CSMD1: variants seen among roughly 807,000 people sequenced by gnomAD.
CSMD1 encodes the protein CUB and Sushi multiple domains 1, also known as CUB and sushi domain-containing protein 1.
A neutral mutation model predicts 417.5 loss-of-function variants in CSMD1; 213 were observed. That is an observed-to-expected ratio of 0.51 (90% CI 0.46 to 0.57). The LOEUF (loss-of-function observed/expected upper bound fraction) is 0.57, where lower values mean the gene tolerates loss of function less well. Among genes scored for constraint, CSMD1 ranks in the 20% least tolerant of loss-of-function variants. CSMD1 has a pLI of 0.00. For missense variants in CSMD1, 6,923 were observed against 4,529.7 expected (o/e 1.53, Z -15.17); for synonymous variants, 2,862 against 1,736.8 (o/e 1.65, Z -16.11).
intron 19 of CSMD1, among the ~76,000 whole-genome samples, chr8:3,368,008 C>T (rs78348369): frequency 0.01 from 1,528 of 152,180 alleles, 26 homozygotes; most frequent in African/African-American, 0.035. Context: ...TTTTAGATGC[C>T]CGTAAAGCAT....
chr8:3,356,792 A>G (rs1401936886), intron 21 of CSMD1, among the ~76,000 whole-genome samples: 2 of 152,230 alleles, frequency 1.3e-5, no homozygotes, highest in Non-Finnish European at 2.9e-5. Flanking sequence ...ATCTGTCTGC[A>G]GGAGGCTGCT....
chr8:4,287,755 A>AGTG (rs2128864880), intron 3 of CSMD1, among the ~76,000 whole-genome samples: 1 of 151,948 alleles, frequency 6.6e-6, no homozygotes, highest in African/African-American at 2.4e-5. Context: ...AGCCACTGAA[A>AGTG]GTGGACCCGG....
intron 49 of CSMD1, among the ~76,000 whole-genome samples, chr8:3,058,963 C>G (rs1812410444): frequency 6.6e-6 from 1 of 152,030 alleles, no homozygotes; most frequent in African/African-American, 2.4e-5. Flanking sequence ...AACCAGCCCT[C>G]TCTTTAAAAG....
chr8:3,451,642 T>C (rs1453911000), intron 12 of CSMD1, among the ~76,000 whole-genome samples: 1 of 152,190 alleles, frequency 6.6e-6, no homozygotes, highest in African/African-American at 2.4e-5. Flanking sequence ...ATGGCATTAT[T>C]TCTGAGGGCT....
chr8:4,469,274 C>T (rs1285469034), intron 2 of CSMD1, among the ~76,000 whole-genome samples: 1 of 152,194 alleles, frequency 6.6e-6, no homozygotes, highest in Non-Finnish European at 1.5e-5. Context: ...AGCAAAGACA[C>T]TATGATTGTC....
chr8:4,702,008 A>T (rs988207628), intron 1 of CSMD1, among the ~76,000 whole-genome samples: 1 of 152,232 alleles, frequency 6.6e-6, no homozygotes, highest in Non-Finnish European at 1.5e-5. Context: ...TAACTCAGGA[A>T]CAGAAAACCA....
chr8:4,005,938 G>A (rs1816075830), intron 4 of CSMD1, among the ~76,000 whole-genome samples: 1 of 152,140 alleles, frequency 6.6e-6, no homozygotes, highest in African/African-American at 2.4e-5. Flanking sequence ...ATGCATTTAT[G>A]TTAATTAATT....
intron 1 of CSMD1, among the ~76,000 whole-genome samples, chr8:4,696,755 G>A (rs532537648): frequency 1.6e-4 from 25 of 152,268 alleles, no homozygotes; most frequent in Middle Eastern, 3.4e-3. Flanking sequence ...CACCCAACAT[G>A]GGTGTCCAAT....
chr8:4,168,164 C>T (rs1219531711), intron 3 of CSMD1, among the ~76,000 whole-genome samples: 7 of 151,268 alleles, frequency 4.6e-5, no homozygotes, highest in East Asian at 1.9e-4. Context: ...CACACACACA[C>T]ACACACACAC....
At chr8:3,155,332 AT>A (rs1223506516) in intron 39 of CSMD1, among the ~76,000 whole-genome samples, 1 of 118,444 alleles carries the variant, frequency 8.4e-6, no homozygotes, top group Non-Finnish European at 1.9e-5. Context: ...AAATTTTTTA[AT>A]TTTTTCCTTC....
At chr8:4,601,299 G>A (rs1251532432) in intron 2 of CSMD1, among the ~76,000 whole-genome samples, 2 of 152,166 alleles carry the variant, frequency 1.3e-5, no homozygotes, top group African/African-American at 4.8e-5. Flanking sequence ...GGAGTAGAGT[G>A]ACAGCGAAGC....
intron 1 of CSMD1, among the ~76,000 whole-genome samples, chr8:4,777,292 C>G (rs929827060): frequency 4.5e-4 from 69 of 152,250 alleles, no homozygotes; most frequent in African/African-American, 1.6e-3. Context: ...CTAATTGACT[C>G]AGTAGGTGGA....
At chr8:3,258,952 G>C (rs1052942574) in intron 26 of CSMD1, among the ~76,000 whole-genome samples, 5 of 152,222 alleles carry the variant, frequency 3.3e-5, no homozygotes, top group Admixed American at 1.3e-4. Flanking sequence ...ATGGTGGAAA[G>C]TGAGAAAAGG....
At chr8:3,601,138 C>A (rs1213256568) in intron 8 of CSMD1, among the ~76,000 whole-genome samples, 1 of 152,176 alleles carries the variant, frequency 6.6e-6, no homozygotes, top group Non-Finnish European at 1.5e-5. Context: ...GTAGGTTTGC[C>A]TCTGGCTTCT....
intron 5 of CSMD1, among the ~76,000 whole-genome samples, chr8:3,971,302 C>T (rs2740816): frequency 0.25 from 38,425 of 152,020 alleles, 4,988 homozygotes; most frequent in East Asian, 0.34. Flanking sequence ...CTCATGGGTT[C>T]TCCTGAGTTT....
At position 4,888,678 on chromosome 8, in the gene CSMD1, G is replaced by A. The variant is rs189922627; in HGVS notation, c.85+105654C>T. Among the ~76,000 whole-genome samples, 506 of 152,184 alleles carry A rather than the reference G, an allele frequency of 3.3e-3. 9 individuals carry two copies. The highest frequency in any genetic ancestry group is 0.019 in the South Asian group (93 of 4,824). On this transcript the variant is annotated intron_variant, in intron 1 of 69. Coordinates refer to ENST00000635120, the MANE Select transcript of CSMD1 (RefSeq NM_033225.6). ...TATCATTTGCCAACAAAAGAAACCA[G>A]GGGTCCTTGAGGTAATGACTCATTC...
chr8:3,610,336 C>T (rs1293310647), intron 8 of CSMD1, among the ~76,000 whole-genome samples: 1 of 152,056 alleles, frequency 6.6e-6, no homozygotes, highest in African/African-American at 2.4e-5. Flanking sequence ...AGTTAGAAAC[C>T]AGCCTAGGCA....
intron 5 of CSMD1, among the ~76,000 whole-genome samples, chr8:3,827,455 G>C (rs1257075746): frequency 6.6e-6 from 1 of 152,138 alleles, no homozygotes; most frequent in Admixed American, 6.5e-5. Context: ...TTTTAATAGT[G>C]CAAAACCTGT....
At chr8:3,993,294 G>T (rs562591192) in intron 5 of CSMD1, among the ~76,000 whole-genome samples, 1 of 152,252 alleles carries the variant, frequency 6.6e-6, no homozygotes, top group Non-Finnish European at 1.5e-5. Context: ...CTTTAATTTT[G>T]GGGCACGTGA....
Sources: allele counts gnomAD v4.1 joint callset (sites outside exome capture counted in the v4.1 genomes callset), GRCh38; gene constraint gnomAD v4.1.1; transcripts MANE v1.5; gene names NCBI Gene and HGNC (gene_info 2026-07-23, HGNC 2026-07-21).